The following SLC9A7 variants were observed in gnomAD, a reference collection of about 807,000 sequenced individuals.
The protein encoded by SLC9A7 is solute carrier family 9 member A7.
Under a neutral mutation model 52.6 loss-of-function variants are expected in SLC9A7, and 19 were observed. The ratio of observed to expected loss-of-function variants is 0.36; its 90% CI spans 0.25 to 0.53. The LOEUF is 0.53. Ranked by LOEUF, SLC9A7 falls within the 20% of genes least tolerant of loss-of-function variation. The probability of loss-of-function intolerance (pLI) is 0.91; values close to 1 mark genes in which losing one functional copy is unlikely to be tolerated. For synonymous variants in SLC9A7, 226 were observed against 252.1 expected (o/e 0.90, Z 0.98); for missense variants, 455 against 597.9 (o/e 0.76, Z 2.49).
chrX:46,645,979 AC>A (rs1943484914), intron 11 of SLC9A7, among the ~76,000 whole-genome samples: 1 of 112,404 alleles, frequency 8.9e-6, no homozygotes, highest in Admixed American at 9.4e-5. Context: ...TTATTTATAT[AC>A]TTTTTTTTGT....
intron 1 of SLC9A7, among the ~76,000 whole-genome samples, chrX:46,745,507 A>C (rs1258743922): frequency 8.9e-6 from 1 of 111,919 alleles, no homozygotes; most frequent in Non-Finnish European, 1.9e-5. Context: ...AGGCTGAGAC[A>C]CTGGATATAT....
intron 1 of SLC9A7, among the ~76,000 whole-genome samples, chrX:46,753,281 C>G (rs1294965840): frequency 9.0e-6 from 1 of 111,605 alleles, no homozygotes; most frequent in Non-Finnish European, 1.9e-5. Flanking sequence ...ACCACCTCCC[C>G]TCTCTCTCTC....
rs1008413152 is a variant in SLC9A7 at position 46,707,817 on chromosome X, G to A, written c.326-25282C>T. ...TGCAGTGGCACGATCTCAGCTCACC[G>A]CGACCTCCACCTCTCGAGTTCAAGT... On this transcript the variant is annotated intron_variant, in intron 1 of 16. Transcript: ENST00000616978. Among the ~76,000 whole-genome samples the A allele has an allele frequency of 1.3e-4, 15 of 112,242 alleles. No individual in the cohort carries two copies. The East Asian group carries it at 2.3e-3, about 17-fold the overall frequency.
intron 1 of SLC9A7, among the ~76,000 whole-genome samples, chrX:46,728,875 G>A (rs1303327009): frequency 8.9e-6 from 1 of 112,398 alleles, no homozygotes; most frequent in African/African-American, 3.2e-5. Flanking sequence ...TATGCTAAGT[G>A]AAAGAAGCTA....
chrX:46,676,359 C>T (rs1031170722), intron 3 of SLC9A7, among the ~76,000 whole-genome samples: 1 of 111,943 alleles, frequency 8.9e-6, no homozygotes, highest in Non-Finnish European at 1.9e-5. Flanking sequence ...ATCCCTCCCA[C>T]ATTTAATCAC....
intron 1 of SLC9A7, among the ~76,000 whole-genome samples, chrX:46,707,101 G>A (rs769807557): frequency 2.7e-5 from 3 of 111,334 alleles, no homozygotes; most frequent in African/African-American, 6.5e-5. Flanking sequence ...ACACTCCTCA[G>A]TACTTTACCT....
At chrX:46,643,904 T>C (rs1382659068) in intron 11 of SLC9A7, among the ~76,000 whole-genome samples, 2 of 112,132 alleles carry the variant, frequency 1.8e-5, no homozygotes, top group African/African-American at 3.2e-5. Context: ...CCAGATATTA[T>C]AGATTTTAGG....
At chrX:46,652,803 C>T (rs1362598483) in intron 8 of SLC9A7, among the ~76,000 whole-genome samples, 1 of 111,491 alleles carries the variant, frequency 9.0e-6, no homozygotes, top group Non-Finnish European at 1.9e-5. Flanking sequence ...TGTTTCACCT[C>T]ACTAATACTA....
intron 14 of SLC9A7, among the ~76,000 whole-genome samples, chrX:46,627,790 G>A (rs1336507882): frequency 4.6e-5 from 5 of 107,745 alleles, no homozygotes; most frequent in African/African-American, 1.0e-4. Context: ...GGGGGGGGGC[G>A]GTGGTCACAG....
intron 1 of SLC9A7, among the ~76,000 whole-genome samples, chrX:46,726,118 T>C (rs1057467581): frequency 3.6e-5 from 4 of 110,895 alleles, no homozygotes; most frequent in Non-Finnish European, 7.6e-5. Flanking sequence ...CCAGGAGCCA[T>C]GGCTCACTCC....
intron 11 of SLC9A7, among the ~76,000 whole-genome samples, chrX:46,645,776 G>A (rs1205372669): frequency 1.8e-5 from 2 of 111,087 alleles, no homozygotes; most frequent in Admixed American, 1.9e-4. Flanking sequence ...ACACTTGGAC[G>A]TGATCAAGAG....
intron 8 of SLC9A7, among the ~76,000 whole-genome samples, chrX:46,651,969 C>T (rs1463246246): frequency 9.0e-6 from 1 of 110,513 alleles, no homozygotes; most frequent in Non-Finnish European, 1.9e-5. Flanking sequence ...CTCAACATCC[C>T]CTCCTTGTTC....
intron 7 of SLC9A7, among the ~76,000 whole-genome samples, chrX:46,660,392 C>G (rs1485405841): frequency 9.0e-6 from 1 of 110,784 alleles, no homozygotes; most frequent in East Asian, 2.8e-4. Context: ...AACTAAAGAG[C>G]TTCTGCACAG....
In SLC9A7 at chrX:46,635,627, G is replaced by A. The variant is rs751079557; in HGVS notation, c.1638C>T (p.Ser546=). The stretch of plus-strand genomic sequence containing the variant: ...AGTGGTGTTCATTCTGGTCCTCTTC[G>A]GAGGGCTCCTCGACGCCAACTCTGG... The part of the protein sequence containing the change: ...LNIRVGVEEP[S]EEDQNEHHWQ... The change falls in exon 13 of 17, where the codon TCC becomes TCT. Residue 546 remains serine (S), a synonymous_variant. Transcript: ENST00000616978. 7 of 1,208,612 alleles carry A rather than the reference G, an allele frequency of 5.8e-6. No individual in the cohort carries two copies. The highest frequency in any genetic ancestry group is 2.2e-5 in the Admixed American group (1 of 45,731).
At chrX:46,667,143 T>C (rs779713241) in intron 5 of SLC9A7, among the ~76,000 whole-genome samples, 2 of 111,848 alleles carry the variant, frequency 1.8e-5, no homozygotes, top group South Asian at 3.8e-4. Context: ...TTTCATTTCA[T>C]CTTCACAATA....
chrX:46,728,698 T>C lies in SLC9A7; in HGVS notation c.325+30007A>G, dbSNP rs756571034. ...ACAAAGACATGTAAGCAAATGTTCA[T>C]AGCAGCTTTATTTATAATACCTCAT... is the stretch of plus-strand genomic sequence containing the variant. On this transcript the variant is annotated intron_variant, in intron 1 of 16. Transcript: ENST00000616978. 2.6e-4 allele frequency among the ~76,000 whole-genome samples: 29 copies of C among 112,336 alleles called. 1 individual carries two copies. The highest frequency in any genetic ancestry group is 2.4e-3 in the Admixed American group (25 of 10,587).
At chrX:46,671,491 G>A (rs11798615) in intron 4 of SLC9A7, among the ~76,000 whole-genome samples, 2 of 108,544 alleles carry the variant, frequency 1.8e-5, no homozygotes, top group South Asian at 4.0e-4. Flanking sequence ...GGATGGTCTC[G>A]ATCTCCAGAC....
intron 8 of SLC9A7, 141 bp from the exon 9 acceptor site, chrX:46,651,545 G>A: frequency 2.2e-6 from 1 of 455,299 alleles, no homozygotes; most frequent in East Asian, 4.0e-5. Context: ...TCCTATTGCT[G>A]GGTCGGGCGC....
At chrX:46,739,592 A>G (rs1211104985) in intron 1 of SLC9A7, among the ~76,000 whole-genome samples, 1 of 110,344 alleles carries the variant, frequency 9.1e-6, no homozygotes, top group East Asian at 2.9e-4. Context: ...TGGTAATACT[A>G]CCTTCTCCCT....
Sources: gnomAD v4.1 joint callset for allele counts (sites outside exome capture counted in the v4.1 genomes callset) on GRCh38, gnomAD v4.1.1 for gene constraint, MANE v1.5 for transcripts, NCBI Gene and HGNC (gene_info 2026-07-23, HGNC 2026-07-21) for gene names.